The following WWP1 variants were observed in gnomAD, a reference collection of about 807,000 sequenced individuals.
WWP1 encodes NEDD4-like E3 ubiquitin-protein ligase WWP1.
A neutral mutation model predicts 130.6 loss-of-function variants in WWP1; 49 were observed. That is an observed-to-expected ratio of 0.38 (90% CI 0.30 to 0.48). The LOEUF (loss-of-function observed/expected upper bound fraction) is 0.48. Ranked by LOEUF, WWP1 falls within the 20% of genes least tolerant of loss-of-function variation. The probability of loss-of-function intolerance (pLI) is 0.99; values close to 1 mark genes in which losing one functional copy is unlikely to be tolerated. For missense variants in WWP1, 809 were observed against 1,100.6 expected, an observed-to-expected ratio of 0.74 and a Z score of 3.75; for synonymous variants, 332 against 367.8, an observed-to-expected ratio of 0.90 and a Z score of 1.11.
chr8:86,421,532 A>G (rs1309477716), intron 9 of WWP1, among the ~76,000 whole-genome samples: 3 of 152,048 alleles, frequency 2.0e-5, no homozygotes, highest in African/African-American at 4.8e-5. Flanking sequence ...TTGATTTAAT[A>G]TTTGAAAATA....
intron 18 of WWP1, among the ~76,000 whole-genome samples, chr8:86,446,112 G>A (rs1427591055): frequency 6.8e-6 from 1 of 146,662 alleles, no homozygotes; most frequent in Non-Finnish European, 1.5e-5. Context: ...CTCCTGAGTA[G>A]CTGGGACCAC....
At chr8:86,420,836 A>C (rs1302630409) in intron 9 of WWP1, among the ~76,000 whole-genome samples, 1 of 152,232 alleles carries the variant, frequency 6.6e-6, no homozygotes, top group African/African-American at 2.4e-5. Flanking sequence ...TTTGATAAAA[A>C]ATTAAAGCTA....
intron 3 of WWP1, among the ~76,000 whole-genome samples, chr8:86,379,196 ATATTAG>A (rs1824843278): frequency 6.6e-6 from 1 of 152,146 alleles, no homozygotes; most frequent in Admixed American, 6.6e-5. Flanking sequence ...TGGGCCTTCT[ATATTAG>A]TCCAGTGGCG....
At chr8:86,438,755 A>T (rs1211520693) in intron 17 of WWP1, 82 bp downstream of exon 17, 1 of 1,150,240 alleles carries the variant, frequency 8.7e-7, no homozygotes, top group East Asian at 2.6e-5. Context: ...ACATATGTGA[A>T]TATATTGTAT....
At chr8:86,358,321 A>G (rs1162124792) in intron 1 of WWP1, among the ~76,000 whole-genome samples, 1 of 152,104 alleles carries the variant, frequency 6.6e-6, no homozygotes, top group African/African-American at 2.4e-5. Flanking sequence ...TTTCTTAATG[A>G]TATTTTAATG....
At chr8:86,435,590 T>G in intron 15 of WWP1, 43 bp from the exon 16 acceptor site, 5 of 1,611,574 alleles carry the variant, frequency 3.1e-6, no homozygotes, top group Non-Finnish European at 3.4e-6. Context: ...ACAATACATA[T>G]ACTATAACTC....
chr8:86,420,420 A>T (rs145595682), intron 9 of WWP1, among the ~76,000 whole-genome samples: 21 of 152,324 alleles, frequency 1.4e-4, no homozygotes, highest in African/African-American at 4.3e-4. Context: ...TCCATGGCTC[A>T]TCTGTGGGGA....
chr8:86,435,603 A>T, intron 15 of WWP1, 30 bp from the exon 16 acceptor site: 1 of 1,611,688 alleles, frequency 6.2e-7, no homozygotes, highest in Non-Finnish European at 8.5e-7. Flanking sequence ...TATAACTCAG[A>T]TGATATTATG....
chr8:86,444,771 C>G (rs992459239), intron 18 of WWP1, among the ~76,000 whole-genome samples: 3 of 151,996 alleles, frequency 2.0e-5, no homozygotes, highest in Admixed American at 2.0e-4. Flanking sequence ...GTGGATACAG[C>G]AAATATAAAC....
rs56731329 is a variant in WWP1, at chr8:86,445,976, C to CTTT, written c.1999-2152_1999-2150dup. Among the ~76,000 whole-genome samples the CTTT allele has an allele frequency of 5.5e-4, 47 of 84,956 alleles. 2 individuals are homozygous for CTTT. The highest frequency in any genetic ancestry group is 1.7e-3 in the African/African-American group (39 of 23,312). The allele number at this position is 84,956 out of a possible 152,430, so 55.7% of individuals were successfully genotyped here. ...CTTTTCTTTTCTTTTCTTTTCTTTT[C>CTTT]TTTTTTTTTTTTTTTTTTTTTTGAG... On this transcript the variant is annotated intron_variant, in intron 18 of 24. Coordinates refer to ENST00000517970, the MANE Select transcript of WWP1 (RefSeq NM_007013.4).
intron 1 of WWP1, among the ~76,000 whole-genome samples, chr8:86,361,685 T>C (rs1305972183): frequency 2.6e-5 from 4 of 152,130 alleles, no homozygotes; most frequent in African/African-American, 7.2e-5. Context: ...TCCTTTTGTA[T>C]GTGCAGCTGC....
intron 8 of WWP1, among the ~76,000 whole-genome samples, chr8:86,404,019 C>T (rs1263889178): frequency 6.6e-6 from 1 of 152,176 alleles, no homozygotes; most frequent in Non-Finnish European, 1.5e-5. Flanking sequence ...AAAACTGCTA[C>T]TATTTCTAAT....
intron 9 of WWP1, among the ~76,000 whole-genome samples, chr8:86,417,049 C>T (rs1004574652): frequency 6.6e-6 from 1 of 152,138 alleles, no homozygotes; most frequent in Non-Finnish European, 1.5e-5. Context: ...GACATCTCAG[C>T]ACGGTGATAC....
intron 17 of WWP1, among the ~76,000 whole-genome samples, chr8:86,441,529 T>G (rs1206041549): frequency 2.0e-5 from 3 of 152,218 alleles, no homozygotes; most frequent in African/African-American, 7.2e-5. Context: ...TTGAAAATCA[T>G]TAGATTATGC....
chr8:86,348,982 A>G (rs1822758439), intron 1 of WWP1, among the ~76,000 whole-genome samples: 1 of 152,146 alleles, frequency 6.6e-6, no homozygotes, highest in Non-Finnish European at 1.5e-5. Context: ...CTTACCTGGT[A>G]GCTGATGGCT....
At chr8:86,389,343 G>T (rs1278604823) in intron 5 of WWP1, among the ~76,000 whole-genome samples, 1 of 152,066 alleles carries the variant, frequency 6.6e-6, no homozygotes, top group Non-Finnish European at 1.5e-5. Flanking sequence ...CTTGAGATTA[G>T]GGAGTGTGAT....
intron 5 of WWP1, among the ~76,000 whole-genome samples, chr8:86,393,491 C>T (rs1807473134): frequency 6.6e-6 from 1 of 152,044 alleles, no homozygotes; most frequent in Admixed American, 6.6e-5. Context: ...GATCCACCCA[C>T]CTCAGCCTCC....
intron 5 of WWP1, among the ~76,000 whole-genome samples, chr8:86,394,628 G>A (rs879823214): frequency 2.0e-5 from 3 of 152,162 alleles, no homozygotes; most frequent in Non-Finnish European, 4.4e-5. Context: ...TACAGTGCCT[G>A]GCACACCGTA....
chr8:86,358,902 T>C (rs1329347552), intron 1 of WWP1, among the ~76,000 whole-genome samples: 2 of 151,896 alleles, frequency 1.3e-5, no homozygotes, highest in East Asian at 3.9e-4. Flanking sequence ...ACGGGAGAGA[T>C]AGAGAAAAAA....
Sources: gnomAD v4.1 joint callset for allele counts (sites outside exome capture counted in the v4.1 genomes callset) on GRCh38, gnomAD v4.1.1 for gene constraint, MANE v1.5 for transcripts, NCBI Gene and HGNC (gene_info 2026-07-23, HGNC 2026-07-21) for gene names.